RASGRF2: variants seen among roughly 807,000 people sequenced by gnomAD.
The protein encoded by RASGRF2 is ras-specific guanine nucleotide-releasing factor 2.
A neutral mutation model predicts 151.0 loss-of-function variants in RASGRF2; 76 were observed. The observed-to-expected ratio is 0.50, with a 90% CI of 0.42 to 0.61. The LOEUF is 0.61. Ranked by LOEUF, RASGRF2 falls within the 20% of genes least tolerant of loss-of-function variation. The pLI is 0.00. For synonymous variants in RASGRF2, 504 were observed against 566.5 expected (o/e 0.89, Z 1.57); for missense variants, 1,148 against 1,564.6 (o/e 0.73, Z 4.49).
In RASGRF2 at chr5:81,127,067, T is replaced by A. The variant is rs776423811; in HGVS notation, c.2597-7T>A. On this transcript the variant is annotated splice_polypyrimidine_tract_variant and splice_region_variant and intron_variant, in intron 16 of 26. Transcript: ENST00000265080. ...CCATTCCATTTCCTTTCTTTTCAAA[T>A]AACCAGGACAGACGGCGGACAATGC... 6.2e-7 allele frequency: 1 copy of A among 1,612,930 alleles called. No individual in the cohort carries two copies. The highest frequency in any genetic ancestry group is 1.1e-5 in the South Asian group (1 of 90,858).
chr5:80,964,404 A>G (rs765061686), intron 1 of RASGRF2, among the ~76,000 whole-genome samples: 4 of 151,866 alleles, frequency 2.6e-5, no homozygotes, highest in Non-Finnish European at 4.4e-5. Context: ...TACCTTCTAC[A>G]TGGTAGGCTC....
intron 17 of RASGRF2, among the ~76,000 whole-genome samples, chr5:81,146,143 T>C (rs1754000005): frequency 6.6e-6 from 1 of 152,228 alleles, no homozygotes; most frequent in African/African-American, 2.4e-5. Flanking sequence ...TCTTCTCTCA[T>C]CACCTGAAGT....
chr5:81,024,647 G>C (rs999856653), intron 1 of RASGRF2, among the ~76,000 whole-genome samples: 5 of 152,168 alleles, frequency 3.3e-5, no homozygotes, highest in Non-Finnish European at 7.4e-5. Context: ...ACTGTGGTAG[G>C]GGGAGGTGGG....
chr5:81,132,156 G>A (rs1490283316), intron 17 of RASGRF2, among the ~76,000 whole-genome samples: 2 of 151,968 alleles, frequency 1.3e-5, no homozygotes, highest in Non-Finnish European at 2.9e-5. Flanking sequence ...ATGTAAGATC[G>A]ACGAGGGCAG....
At chr5:80,995,399 T>TATAC (rs1165966102) in intron 1 of RASGRF2, among the ~76,000 whole-genome samples, 29 of 119,800 alleles carry the variant, frequency 2.4e-4, no homozygotes, top group African/African-American at 8.8e-4. Flanking sequence ...TATATATATA[T>TATAC]ACACACACAC....
intron 26 of RASGRF2, among the ~76,000 whole-genome samples, chr5:81,220,636 GT>G (rs1329093822): frequency 2.0e-5 from 3 of 152,078 alleles, no homozygotes; most frequent in African/African-American, 4.8e-5. Context: ...CGCCTGGCTA[GT>G]TTTTTGTATT....
At chr5:81,073,598 C>A in intron 5 of RASGRF2, 146 bp downstream of exon 5, 1 of 803,804 alleles carries the variant, frequency 1.2e-6, no homozygotes, top group Non-Finnish European at 1.7e-6. Flanking sequence ...ACTTGTGTTC[C>A]ATTGTTATTT....
At chr5:81,095,306 T>G (rs1752516237) in intron 12 of RASGRF2, among the ~76,000 whole-genome samples, 1 of 152,200 alleles carries the variant, frequency 6.6e-6, no homozygotes. Flanking sequence ...AATTCTCTAA[T>G]GACTCCACTC....
At position 81,092,916 on chromosome 5, in the gene RASGRF2, T is replaced by G; in HGVS notation, c.1506T>G (p.Phe502Leu). Residue 502 changes from phenylalanine to leucine, a missense_variant, in exon 10 of 27, where the codon TTT becomes TTG. By Grantham distance (22) the Phe-to-Leu change is conservative (BLOSUM62 0). This residue lies in a region of RASGRF2 where 646 missense variants were observed against 807.4 expected (regional missense o/e 0.80). Coordinates refer to ENST00000265080, the MANE Select transcript of RASGRF2 (RefSeq NM_006909.3). The stretch of plus-strand genomic sequence containing the variant: ...AATGCTTCTTATTTACAAAACACTT[T>G]TTAATATGTACAAGAAGTTCAGGAG... ...ERQCFLFTKHFLICTRSSGGK... is the reference protein window; with the variant it reads ...ERQCFLFTKHLLICTRSSGGK... 1 of 1,613,270 alleles carries G rather than the reference T, an allele frequency of 6.2e-7. No homozygotes were observed. Among genetic ancestry groups the G allele is most frequent in the African/African-American group, 1.3e-5 (1 of 75,042 alleles).
intron 16 of RASGRF2, 61 bp downstream of exon 16, chr5:81,123,828 C>T (rs1753380993): frequency 2.0e-6 from 3 of 1,516,388 alleles, no homozygotes; most frequent in South Asian, 2.5e-5. Flanking sequence ...GCTTCTGAAC[C>T]TTTCCTTTGC....
intron 1 of RASGRF2, among the ~76,000 whole-genome samples, chr5:81,001,755 T>C (rs2112290747): frequency 6.6e-6 from 1 of 152,352 alleles, no homozygotes; most frequent in Non-Finnish European, 1.5e-5. Flanking sequence ...GCCTCTGTTC[T>C]GCTGTGGGAT....
intron 1 of RASGRF2, among the ~76,000 whole-genome samples, chr5:80,964,939 A>G (rs1018936738): frequency 1.3e-5 from 2 of 152,112 alleles, no homozygotes; most frequent in Admixed American, 6.5e-5. Context: ...GAGAAGACAC[A>G]TAGCAAAAAA....
chr5:80,991,712 A>G (rs547207149), intron 1 of RASGRF2, among the ~76,000 whole-genome samples: 1 of 152,356 alleles, frequency 6.6e-6, no homozygotes, highest in East Asian at 1.9e-4. Flanking sequence ...CCAAGATAAT[A>G]TATACAAAAA....
intron 18 of RASGRF2, among the ~76,000 whole-genome samples, chr5:81,187,348 G>C (rs1279413128): frequency 6.6e-6 from 1 of 152,176 alleles, no homozygotes; most frequent in Non-Finnish European, 1.5e-5. Context: ...GTGACTAATG[G>C]TTACAGTATA....
At chr5:81,069,325 C>T (rs1244999540) in intron 3 of RASGRF2, among the ~76,000 whole-genome samples, 4 of 152,216 alleles carry the variant, frequency 2.6e-5, no homozygotes, top group African/African-American at 4.8e-5. Flanking sequence ...CCCAATTCGA[C>T]CCTGATATGT....
At chr5:81,060,359 C>T (rs1346681230) in intron 2 of RASGRF2, among the ~76,000 whole-genome samples, 2 of 152,184 alleles carry the variant, frequency 1.3e-5, no homozygotes, top group Non-Finnish European at 2.9e-5. Context: ...GTTCCATCAG[C>T]TAGCCACGCA....
At chr5:81,171,179 C>T (rs1328827555) in intron 17 of RASGRF2, among the ~76,000 whole-genome samples, 1 of 152,190 alleles carries the variant, frequency 6.6e-6, no homozygotes, top group Admixed American at 6.5e-5. Context: ...CAGGCGCATG[C>T]TCATTCACAA....
intron 1 of RASGRF2, among the ~76,000 whole-genome samples, chr5:80,976,981 T>C (rs34996): frequency 0.39 from 59,802 of 151,986 alleles, 12,541 homozygotes; most frequent in East Asian, 0.77. Flanking sequence ...TAGATGTACA[T>C]GGTCTTTCTG....
chr5:81,055,334 G>C (rs1344722546), intron 2 of RASGRF2, among the ~76,000 whole-genome samples: 1 of 152,134 alleles, frequency 6.6e-6, no homozygotes, highest in Non-Finnish European at 1.5e-5. Context: ...TTTTTAGCAT[G>C]AAGGGCTGTT....
Sources: gnomAD v4.1 joint callset for allele counts (sites outside exome capture counted in the v4.1 genomes callset) on GRCh38, gnomAD v4.1.1 for gene constraint, gnomAD v4.1.1 regional missense constraint, MANE v1.5 for transcripts, NCBI Gene and HGNC (gene_info 2026-07-23, HGNC 2026-07-21) for gene names.